The following ALK variants were observed in gnomAD, a reference collection of about 807,000 sequenced individuals.
The protein encoded by ALK is ALK receptor tyrosine kinase, also known as ALK tyrosine kinase receptor.
Under a neutral mutation model 163.1 loss-of-function variants are expected in ALK, and 74 were observed. The ratio of observed to expected loss-of-function variants is 0.45; its 90% CI spans 0.38 to 0.55. ALK has a LOEUF of 0.55. Ranked by LOEUF, ALK falls within the 20% of genes least tolerant of loss-of-function variation. The pLI is 0.00. For synonymous variants in ALK, 960 were observed against 843.2 expected (o/e 1.14, Z -2.40); for missense variants, 2,063 against 2,105.3 (o/e 0.98, Z 0.39).
chr2:29,644,253 T>TGGGGGGA (rs1485915793), intron 3 of ALK, among the ~76,000 whole-genome samples: 1 of 55,898 alleles, frequency 1.8e-5, no homozygotes, highest in Admixed American at 2.9e-4. Flanking sequence ...TGTTGCGGGG[T>TGGGGGGA]GGGGGGAGGG....
intron 5 of ALK, among the ~76,000 whole-genome samples, chr2:29,377,093 T>A (rs914635731): frequency 1.3e-5 from 2 of 152,250 alleles, no homozygotes; most frequent in Non-Finnish European, 2.9e-5. Flanking sequence ...CCCTAATTTT[T>A]TAAATAAGAT....
chr2:29,641,630 C>G (rs1474520262), intron 3 of ALK, among the ~76,000 whole-genome samples: 1 of 152,118 alleles, frequency 6.6e-6, no homozygotes. Flanking sequence ...CCACCACCAC[C>G]ACCCCCTACT....
chr2:29,411,307 G>A (rs1305088795), intron 4 of ALK, among the ~76,000 whole-genome samples: 1 of 152,100 alleles, frequency 6.6e-6, no homozygotes, highest in African/African-American at 2.4e-5. Context: ...GCCTGAGGCT[G>A]TTCTAGAGGA....
intron 8 of ALK, among the ~76,000 whole-genome samples, chr2:29,313,005 C>CAG (rs1388083183): frequency 1.6e-5 from 2 of 127,518 alleles, no homozygotes; most frequent in Non-Finnish European, 3.6e-5. Context: ...ATAACATTAC[C>CAG]CTGGAATCCC....
chr2:29,416,394 A>G (rs1234928221), intron 4 of ALK, among the ~76,000 whole-genome samples: 1 of 152,180 alleles, frequency 6.6e-6, no homozygotes, highest in African/African-American at 2.4e-5. Flanking sequence ...CAAGTGCCTC[A>G]CTCATGATTT....
chr2:29,734,208 C>T (rs34336789), intron 1 of ALK, among the ~76,000 whole-genome samples: 17,748 of 152,108 alleles, frequency 0.12, 2,310 homozygotes, highest in African/African-American at 0.33. Flanking sequence ...GCAATCTGTG[C>T]TGTTTATATT....
chr2:29,652,273 C>A (rs1573529446), intron 3 of ALK, among the ~76,000 whole-genome samples: 1 of 152,066 alleles, frequency 6.6e-6, no homozygotes, highest in South Asian at 2.1e-4. Flanking sequence ...AGATTGGGAA[C>A]CCCTGGCTTA....
At chr2:29,439,479 G>A (rs1426804660) in intron 4 of ALK, among the ~76,000 whole-genome samples, 11 of 152,002 alleles carry the variant, frequency 7.2e-5, no homozygotes, top group East Asian at 1.9e-4. Flanking sequence ...AAACAATATC[G>A]CTGCTCACAG....
rs1292336754 is a variant in ALK at position 29,639,786 on chromosome 2, A to G, written c.952+55064T>C. On this transcript the variant is annotated intron_variant, in intron 3 of 28. Transcript: ENST00000389048. ...GGTCTTCCTGACATTTAAATCTACAAGAGACATTTCTTAGGTGTGTCTTTA... is the reference window on the plus strand; with the variant it reads ...GGTCTTCCTGACATTTAAATCTACAGGAGACATTTCTTAGGTGTGTCTTTA... 2.0e-5 allele frequency among the ~76,000 whole-genome samples: 3 copies of G among 152,320 alleles called. No individual in the cohort carries two copies. In the East Asian group the frequency reaches 5.8e-4, roughly 29 times the overall value.
intron 1 of ALK, among the ~76,000 whole-genome samples, chr2:29,798,651 A>C (rs1261602607): frequency 1.3e-5 from 2 of 152,262 alleles, no homozygotes; most frequent in Non-Finnish European, 2.9e-5. Flanking sequence ...ATTTGCCACC[A>C]TATCTAGAAC....
chr2:29,295,885 A>T (rs1666161941), intron 9 of ALK, among the ~76,000 whole-genome samples: 1 of 152,164 alleles, frequency 6.6e-6, no homozygotes, highest in Non-Finnish European at 1.5e-5. Context: ...ATCCAGATCC[A>T]TTTATCTGTC....
intron 3 of ALK, among the ~76,000 whole-genome samples, chr2:29,649,704 A>G (rs960241472): frequency 6.6e-6 from 1 of 151,846 alleles, no homozygotes; most frequent in African/African-American, 2.4e-5. Context: ...CTCTTCCTCA[A>G]CCTCCTGGTG....
intron 3 of ALK, among the ~76,000 whole-genome samples, chr2:29,679,822 G>A (rs1426803041): frequency 6.6e-6 from 1 of 151,820 alleles, no homozygotes; most frequent in African/African-American, 2.4e-5. Context: ...GTTAGCTCCT[G>A]GTATGATTCA....
intron 4 of ALK, among the ~76,000 whole-genome samples, chr2:29,406,971 C>T (rs1669600511): frequency 6.6e-6 from 1 of 151,878 alleles, no homozygotes; most frequent in South Asian, 2.1e-4. Context: ...GCTTCCCATC[C>T]TGGCACAGTC....
At chr2:29,602,757 T>C (rs186301898) in intron 3 of ALK, among the ~76,000 whole-genome samples, 3 of 152,282 alleles carry the variant, frequency 2.0e-5, no homozygotes, top group Non-Finnish European at 2.9e-5. Flanking sequence ...AGCTGGACAA[T>C]AGAGGCTACC....
intron 15 of ALK, among the ~76,000 whole-genome samples, chr2:29,231,410 C>T (rs1300090354): frequency 1.3e-5 from 2 of 152,206 alleles, no homozygotes; most frequent in African/African-American, 4.8e-5. Flanking sequence ...AAAAAGTCAT[C>T]ATGCCTTGGT....
intron 4 of ALK, among the ~76,000 whole-genome samples, chr2:29,408,100 TGAG>T (rs1669634790): frequency 6.6e-6 from 1 of 151,302 alleles, no homozygotes; most frequent in Admixed American, 6.6e-5. Context: ...TTTTTTTTTT[TGAG>T]ATGGAGTCTC....
At chr2:29,898,052 A>G (rs1667319250) in intron 1 of ALK, among the ~76,000 whole-genome samples, 2 of 152,214 alleles carry the variant, frequency 1.3e-5, no homozygotes, top group African/African-American at 4.8e-5. Context: ...GCAAGACTAG[A>G]AGAAGAGAAA....
chr2:29,246,602 G>T lies in ALK; in HGVS notation c.2204+4503C>A, dbSNP rs561126088. Among the ~76,000 whole-genome samples the T allele has an allele frequency of 3.0e-4, 45 of 152,138 alleles. No individual in the cohort carries two copies. Among genetic ancestry groups the T allele is most frequent in the Admixed American group, 2.9e-3 (45 of 15,284 alleles). ...GCCAAGCTCGTGGGAGAGTGGCTGCGCTCCTTTGTCCTCGCTTCCTCAGTC... is the reference window on the plus strand; with the variant it reads ...GCCAAGCTCGTGGGAGAGTGGCTGCTCTCCTTTGTCCTCGCTTCCTCAGTC... On this transcript the variant is annotated intron_variant, in intron 12 of 28. Transcript: ENST00000389048. This position sits in a 1 kb window ranked among gnomAD's most constrained non-coding sequence, Gnocchi z 4.3.
Sources: gnomAD v4.1 joint callset for allele counts (sites outside exome capture counted in the v4.1 genomes callset) on GRCh38, gnomAD v4.1.1 for gene constraint, Gnocchi (gnomAD v3.1) non-coding constraint, MANE v1.5 for transcripts, NCBI Gene and HGNC (gene_info 2026-07-23, HGNC 2026-07-21) for gene names.